The following MECOM variants were observed in gnomAD, a reference collection of about 807,000 sequenced individuals.
MECOM encodes the protein histone-lysine N-methyltransferase MECOM.
A neutral mutation model predicts 116.3 loss-of-function variants in MECOM; 13 were observed. That is an observed-to-expected ratio of 0.11 (90% CI 0.07 to 0.18). The LOEUF (loss-of-function observed/expected upper bound fraction) is 0.18, where lower values mean the gene tolerates loss of function less well. MECOM is among the 10% of genes least tolerant of loss of function. MECOM has a pLI of 1.00. For missense variants in MECOM, 1,299 were observed against 1,509.0 expected (o/e 0.86, Z 2.31); for synonymous variants, 528 against 535.2 (o/e 0.99, Z 0.19).
At chr3:169,357,607 T>A (rs1727486156) in intron 2 of MECOM, among the ~76,000 whole-genome samples, 1 of 151,870 alleles carries the variant, frequency 6.6e-6, no homozygotes, top group African/African-American at 2.4e-5. Context: ...CTGCAAGGAC[T>A]AATTACAGGT....
chr3:169,137,613 A>G (rs1448588748), intron 3 of MECOM, among the ~76,000 whole-genome samples: 1 of 152,132 alleles, frequency 6.6e-6, no homozygotes, highest in African/African-American at 2.4e-5. Context: ...GAAAATATTA[A>G]TTGAAAAAGA....
At chr3:169,201,823 G>A (rs375440300) in intron 2 of MECOM, among the ~76,000 whole-genome samples, 7 of 152,042 alleles carry the variant, frequency 4.6e-5, no homozygotes, top group African/African-American at 1.7e-4. Flanking sequence ...TCAGTATCAA[G>A]CACATTCATA....
At chr3:169,318,329 C>T (rs1475641169) in intron 2 of MECOM, among the ~76,000 whole-genome samples, 2 of 152,140 alleles carry the variant, frequency 1.3e-5, no homozygotes, top group Admixed American at 1.3e-4. Context: ...TCAGAGTGAA[C>T]AGGCAACCTA....
intron 1 of MECOM, among the ~76,000 whole-genome samples, chr3:169,629,349 T>A (rs1771795093): frequency 6.6e-6 from 1 of 152,120 alleles, no homozygotes; most frequent in Admixed American, 6.6e-5. Context: ...ATGGACTTTT[T>A]TCTAGCCTCT....
intron 1 of MECOM, among the ~76,000 whole-genome samples, chr3:169,562,688 C>T (rs893247738): frequency 3.2e-4 from 48 of 152,118 alleles, no homozygotes; most frequent in African/African-American, 1.1e-3. Flanking sequence ...CAGAAAGGAG[C>T]CATGCTTGGA....
At chr3:169,533,121 T>A (rs930303912) in intron 1 of MECOM, among the ~76,000 whole-genome samples, 2 of 152,184 alleles carry the variant, frequency 1.3e-5, no homozygotes, top group African/African-American at 4.8e-5. Flanking sequence ...CACTGTATTA[T>A]CCAATGTTCT....
intron 13 of MECOM, among the ~76,000 whole-genome samples, 165 bp downstream of exon 13, chr3:169,094,902 ATCACATTGC>A (rs1196665253): frequency 2.0e-5 from 3 of 152,276 alleles, no homozygotes; most frequent in African/African-American, 7.2e-5. Flanking sequence ...TAAATTAATG[ATCACATTGC>A]TCACATTATT....
chr3:169,302,301 A>G (rs2149714518), intron 2 of MECOM, among the ~76,000 whole-genome samples: 1 of 152,318 alleles, frequency 6.6e-6, no homozygotes, highest in Admixed American at 6.5e-5. Flanking sequence ...CACAGTGCCA[A>G]TGCTCCAGGG....
At chr3:169,642,428 C>A (rs1206157111) in intron 1 of MECOM, among the ~76,000 whole-genome samples, 3 of 133,088 alleles carry the variant, frequency 2.3e-5, no homozygotes, top group Non-Finnish European at 4.7e-5. Flanking sequence ...GCCCGGGCAA[C>A]AGAGCGAGAC....
chr3:169,607,523 A>G (rs531157815), intron 1 of MECOM, among the ~76,000 whole-genome samples: 3 of 152,382 alleles, frequency 2.0e-5, no homozygotes, highest in African/African-American at 7.2e-5. Flanking sequence ...CCACTATAAA[A>G]CAATCAATTT....
chr3:169,268,889 G>T (rs1423366068), intron 2 of MECOM, among the ~76,000 whole-genome samples: 9 of 152,134 alleles, frequency 5.9e-5, no homozygotes, highest in Admixed American at 5.9e-4. Context: ...AGTTTCAGGT[G>T]GGGAGAGGGA....
chr3:169,261,615 C>T (rs1223180694), intron 2 of MECOM, among the ~76,000 whole-genome samples: 1 of 152,114 alleles, frequency 6.6e-6, no homozygotes, highest in East Asian at 1.9e-4. Flanking sequence ...GAAGGAGAAT[C>T]ACTTGAACCC....
chr3:169,432,260 G>A (rs947124854), intron 1 of MECOM, among the ~76,000 whole-genome samples: 2 of 152,002 alleles, frequency 1.3e-5, no homozygotes, highest in Admixed American at 6.6e-5. Context: ...CCAGGTTCAG[G>A]TGATTCTCCT....
At chr3:169,193,372 C>G (rs2149430406) in intron 2 of MECOM, among the ~76,000 whole-genome samples, 1 of 152,078 alleles carries the variant, frequency 6.6e-6, no homozygotes, top group South Asian at 2.1e-4. Flanking sequence ...TGTTGAACAT[C>G]ACTGGAATTC....
intron 2 of MECOM, among the ~76,000 whole-genome samples, chr3:169,341,537 C>T (rs1724527306): frequency 6.6e-6 from 1 of 150,766 alleles, no homozygotes; most frequent in East Asian, 2.0e-4. Flanking sequence ...GTCAAGAAAT[C>T]GAGACCATCC....
intron 2 of MECOM, among the ~76,000 whole-genome samples, chr3:169,290,365 G>A (rs1177559721): frequency 6.6e-6 from 1 of 152,086 alleles, no homozygotes; most frequent in Non-Finnish European, 1.5e-5. Flanking sequence ...AGATTTATTA[G>A]TTATTCCTTT....
intron 1 of MECOM, among the ~76,000 whole-genome samples, chr3:169,485,925 T>C (rs1752147493): frequency 2.0e-4 from 8 of 40,238 alleles, no homozygotes; most frequent in Admixed American, 1.5e-3. Context: ...GTATATATAG[T>C]ATATATAGTA....
intron 2 of MECOM, among the ~76,000 whole-genome samples, chr3:169,372,942 G>A (rs1314378542): frequency 6.6e-6 from 1 of 151,928 alleles, no homozygotes; most frequent in Non-Finnish European, 1.5e-5. Flanking sequence ...CCACTGCTCC[G>A]CATGCAGTTA....
At chr3:169,562,162 A>T (rs1165057492) in intron 1 of MECOM, among the ~76,000 whole-genome samples, 1 of 128,478 alleles carries the variant, frequency 7.8e-6, no homozygotes, top group Admixed American at 8.3e-5. Context: ...AAAAAAAAAA[A>T]GGAAAGAAAG....
Sources: allele counts gnomAD v4.1 joint callset (sites outside exome capture counted in the v4.1 genomes callset), GRCh38; gene constraint gnomAD v4.1.1; transcripts MANE v1.5; gene names NCBI Gene and HGNC (gene_info 2026-07-23, HGNC 2026-07-21).